Variants in UROC1 observed in about 807,000 individuals in gnomAD.
UROC1 encodes the protein urocanate hydratase.
UROC1 carries 79 observed loss-of-function variants against 89.5 expected under a neutral mutation model. That is an observed-to-expected ratio of 0.88 (90% CI 0.74 to 1.06). UROC1 has a LOEUF of 1.06. UROC1 is among the 50% of genes least tolerant of loss of function. UROC1 has a pLI of 0.00. For synonymous variants in UROC1, 361 were observed against 354.8 expected (o/e 1.02, Z -0.20); for missense variants, 885 against 907.8 (o/e 0.97, Z 0.32).
At position 126,508,285 on chromosome 3, in the gene UROC1, A is replaced by G. The variant is rs185699403; in HGVS notation, c.411+131T>C. The G allele has an allele frequency of 1.2e-3, 1,591 of 1,364,676 alleles. 16 individuals carry two copies. The highest frequency in any genetic ancestry group is 4.5e-4 in the Non-Finnish European group (432 of 964,510). The allele number at this position is 1,364,676 out of a possible 1,614,324, so 84.5% of individuals were successfully genotyped here. A position where few individuals can be genotyped will look rare whatever the true frequency, so the allele number is the denominator to read the frequency against. On this transcript the variant is annotated intron_variant, in intron 4 of 19. Transcript: ENST00000290868. Reference sequence around the variant, plus strand: ...CCTGAAATTTCCCCACACAATCTCCAATGCTGGAGCCTCAGGCACCAGGGA... The same window carrying G: ...CCTGAAATTTCCCCACACAATCTCCGATGCTGGAGCCTCAGGCACCAGGGA...
chr3:126,493,873 C>T (rs1935713281), intron 15 of UROC1, among the ~76,000 whole-genome samples: 1 of 152,212 alleles, frequency 6.6e-6, no homozygotes, highest in African/African-American at 2.4e-5. Flanking sequence ...GTGAGCTCGA[C>T]CAGGAGCCGG....
intron 18 of UROC1, among the ~76,000 whole-genome samples, chr3:126,486,423 G>A (rs1362038737): frequency 6.6e-6 from 1 of 152,274 alleles, no homozygotes; most frequent in Non-Finnish European, 1.5e-5. Flanking sequence ...AGATGGCTCT[G>A]TCCTGCAGCC....
rs530554159 is a variant in UROC1 at position 126,508,563 on chromosome 3, G to C, written c.352-88C>G. 7.2e-6 allele frequency: 8 copies of C among 1,115,346 alleles called. No homozygotes were observed. In the East Asian group the frequency reaches 1.8e-4, roughly 25 times the overall value. The allele number at this position is 1,115,346 out of a possible 1,614,324, so 69.1% of individuals were successfully genotyped here. On this transcript the variant is annotated intron_variant, in intron 3 of 19. Coordinates refer to ENST00000290868, the MANE Select transcript of UROC1 (RefSeq NM_144639.3). ...GGGAGAGAAAGGGCCCCCATCCCCT[G>C]GGGGCCCAATGGGACAAGGAGAGAA...
In UROC1 at chr3:126,499,243, G is replaced by T. The variant is rs1284862400; in HGVS notation, c.1316+94C>A. ...ATGACCTCAGGGGCGGTCAGAGGCT[G>T]AAGCTTCTCCAACCTAAATACCCAG... On this transcript the variant is annotated intron_variant, in intron 13 of 19. Coordinates refer to ENST00000290868, the MANE Select transcript of UROC1 (RefSeq NM_144639.3). The T allele has an allele frequency of 3.1e-5, 44 of 1,413,038 alleles. No individual in the cohort carries two copies. The East Asian group carries it at 7.5e-4, about 24-fold the overall frequency. 87.5% of individuals were successfully genotyped at this position (1,413,038 alleles called of 1,614,324 possible).
At chr3:126,494,973 T>G (rs1460934223) in intron 15 of UROC1, among the ~76,000 whole-genome samples, 2 of 152,160 alleles carry the variant, frequency 1.3e-5, no homozygotes, top group Non-Finnish European at 2.9e-5. Context: ...GTCTCCGCTT[T>G]GCAGATGAGG....
chr3:126,501,009 TC>T (rs1935907358), intron 10 of UROC1, 135 bp from the exon 11 acceptor site: 1 of 1,376,104 alleles, frequency 7.3e-7, no homozygotes, highest in Non-Finnish European at 1.0e-6. Flanking sequence ...GACCCTGCTT[TC>T]CCCCTGGAAA....
At chr3:126,510,874 C>T in intron 1 of UROC1, 80 bp from the exon 2 acceptor site, 2 of 1,556,676 alleles carry the variant, frequency 1.3e-6, no homozygotes, top group Admixed American at 3.6e-5. Flanking sequence ...GGCCATCCTC[C>T]TCCCAAATGG....
rs1936050444 is a variant in UROC1, at chr3:126,506,027, G to A, written c.603-16C>T. 6.2e-7 allele frequency: 1 copy of A among 1,613,304 alleles called. No homozygotes were observed. Among genetic ancestry groups the A allele is most frequent in the Non-Finnish European group, 8.5e-7 (1 of 1,180,030 alleles). ...CTGGCCGTACCTGACCACAGGGAGAGAAGCCAAGCCCAGGGCTCAGCCAGT... is the reference window on the plus strand; with the variant it reads ...CTGGCCGTACCTGACCACAGGGAGAAAAGCCAAGCCCAGGGCTCAGCCAGT... On this transcript the variant is annotated splice_polypyrimidine_tract_variant and intron_variant, in intron 6 of 19. Coordinates refer to ENST00000290868, the MANE Select transcript of UROC1 (RefSeq NM_144639.3).
At position 126,507,788 on chromosome 3, in the gene UROC1, A is replaced by C. The variant is rs776306972; in HGVS notation, c.556T>G (p.Ser186Ala). The part of the protein sequence containing the change: ...ITNGMVIPNY[S>A]SRTEYEKLFA... ...AGCTTCTCATACTCCGTCCGGGAGG[A>C]GTAGTTGGGAATGACCTGGAGAAGA... Residue 186 changes from serine to alanine, a missense_variant, in exon 6 of 20, where the codon TCC (serine) becomes GCC (alanine). Coordinates refer to ENST00000290868, the MANE Select transcript of UROC1 (RefSeq NM_144639.3). 6.2e-7 allele frequency: 1 copy of C among 1,614,092 alleles called. No individual in the cohort carries two copies. Among genetic ancestry groups the C allele is most frequent in the South Asian group, 1.1e-5 (1 of 91,068 alleles).
chr3:126,514,620 A>AACAATCTG (rs992524598), intron 1 of UROC1, among the ~76,000 whole-genome samples: 4 of 152,084 alleles, frequency 2.6e-5, no homozygotes, highest in African/African-American at 9.7e-5. Context: ...ACCACGAAGG[A>AACAATCTG]ACAATCTGAA....
At chr3:126,515,481 C>A (rs1318086005) in intron 1 of UROC1, among the ~76,000 whole-genome samples, 1 of 138,798 alleles carries the variant, frequency 7.2e-6, no homozygotes. Context: ...TGTCTCCCAG[C>A]ACCTACCACC....
intron 3 of UROC1, 132 bp from the exon 4 acceptor site, chr3:126,508,607 A>T: frequency 1.4e-6 from 1 of 702,828 alleles, no homozygotes; most frequent in African/African-American, 1.8e-5. Context: ...GGTGAGGCCC[A>T]GGGACGGACA....
chr3:126,517,102 T>C lies in UROC1; in HGVS notation c.126+492A>G, dbSNP rs79891466. ...GTGCACCATCCCTGGACTGCTTTGC[T>C]GTTAGATGAGGGGATACTGGCCTCA... On this transcript the variant is annotated intron_variant, in intron 1 of 19. Transcript: ENST00000290868. 1.1e-4 allele frequency among the ~76,000 whole-genome samples: 17 copies of C among 152,286 alleles called. 1 individual carries two copies. The East Asian group carries it at 3.3e-3, about 30-fold the overall frequency.
intron 2 of UROC1, among the ~76,000 whole-genome samples, chr3:126,510,275 C>A (rs16837538): frequency 2.0e-5 from 3 of 152,192 alleles, no homozygotes; most frequent in African/African-American, 7.2e-5. Context: ...AGACCCTTAT[C>A]GAGATCGTGA....
Position 126,488,211 on chromosome 3 carries a change from C to T in UROC1, c.1777G>A (p.Gly593Arg), listed in dbSNP as rs1935559327. 1.2e-6 allele frequency: 2 copies of T among 1,614,246 alleles called. No individual in the cohort carries two copies. The highest frequency in any genetic ancestry group is 1.7e-6 in the Non-Finnish European group (2 of 1,180,044). ...GATWVALHNG[G>R]GVGWGEVING... ...AAACCTTCTTACCAGCCCACGCCCC[C>T]TCCGTTGTGAAGGGCGACCCAGGTG... Residue 593 changes from glycine to arginine, a missense_variant, in exon 18 of 20, where the codon GGG becomes AGG. By Grantham distance (125) the Gly-to-Arg change is moderately radical. Transcript: ENST00000290868.
intron 15 of UROC1, among the ~76,000 whole-genome samples, chr3:126,495,686 A>G (rs1162314321): frequency 6.6e-6 from 1 of 152,218 alleles, no homozygotes; most frequent in Non-Finnish European, 1.5e-5. Context: ...TTGCTGGGTC[A>G]TAGGGTAATT....
At chr3:126,509,716 G>A (rs779792751) in intron 2 of UROC1, 38 bp from the exon 3 acceptor site, 34 of 1,534,480 alleles carry the variant, frequency 2.2e-5, no homozygotes, top group East Asian at 4.9e-5. Flanking sequence ...TGCCCTTCCC[G>A]CCAAAGCACA....
In UROC1 at chr3:126,482,461, T is replaced by C. The variant is rs554807354; in HGVS notation, c.1915A>G (p.Asn639Asp). ...CAGATGATCTCATAGGCCTTCTGGT[T>C]CCCTGACCAGCAGCGCCGGGCCACC... ...NGVARRCWSG[N>D]QKAYEIICQT... The change falls in exon 20 of 20, where the codon AAC becomes GAC. Residue 639 changes from asparagine to aspartate, a missense_variant. Transcript: ENST00000290868. 5.0e-6 allele frequency: 8 copies of C among 1,613,932 alleles called. No homozygotes were observed. In the African/African-American group the frequency reaches 9.3e-5, roughly 19 times the overall value.
chr3:126,507,899 T>C, intron 5 of UROC1, 68 bp downstream of exon 5: 1 of 1,612,678 alleles, frequency 6.2e-7, no homozygotes, highest in Non-Finnish European at 8.5e-7. Context: ...CACTGGGCTT[T>C]CTTTCCAGCG....
Sources: gnomAD v4.1 joint callset for allele counts (sites outside exome capture counted in the v4.1 genomes callset) on GRCh38, gnomAD v4.1.1 for gene constraint, MANE v1.5 for transcripts, NCBI Gene and HGNC (gene_info 2026-07-23, HGNC 2026-07-21) for gene names.